The following C3 variants were observed in gnomAD, a reference collection of about 807,000 sequenced individuals.
The protein encoded by C3 is C3 and PZP-like alpha-2-macroglobulin domain-containing protein 1.
A neutral mutation model predicts 207.9 loss-of-function variants in C3; 97 were observed. The observed-to-expected ratio is 0.47, with a 90% confidence interval of 0.40 to 0.55. The LOEUF is 0.55. Among genes scored for constraint, C3 ranks in the 20% least tolerant of loss-of-function variants. C3 has a pLI of 0.00. For synonymous variants in C3, 848 were observed against 857.6 expected (o/e 0.99, Z 0.20); for missense variants, 1,684 against 2,171.7 (o/e 0.78, Z 4.46).
chr19:6,684,084 G>A (rs1390285198), intron 33 of C3: 5 of 399,070 alleles, frequency 1.3e-5, no homozygotes, highest in Non-Finnish European at 2.4e-5. Context: ...GGCTGACAGA[G>A]CAAGACCCTA....
chr19:6,684,851 G>A lies in C3; in HGVS notation c.3970-17C>T, dbSNP rs753267292. The A allele has an allele frequency of 6.2e-7, 1 of 1,614,000 alleles. No individual in the cohort carries two copies. The highest frequency in any genetic ancestry group is 8.5e-7 in the Non-Finnish European group (1 of 1,179,848). ...TTCCTTGGTCTGCAGAGTGAAAAGA[G>A]AGAAGAGAGCATGTTGGGAATTAAG... On this transcript the variant is annotated splice_polypyrimidine_tract_variant and intron_variant, in intron 30 of 40. Coordinates refer to ENST00000245907, the MANE Select transcript of C3 (RefSeq NM_000064.4).
Position 6,707,231 on chromosome 19 carries a change from C to G in C3, c.2090G>C (p.Gly697Ala). The G allele has an allele frequency of 6.2e-7, 1 of 1,613,190 alleles. No homozygotes were observed. Among genetic ancestry groups the G allele is most frequent in the Non-Finnish European group, 8.5e-7 (1 of 1,179,678 alleles). Reference protein sequence around the residue: ...PKELRKCCEDGMRENPMRFSC... With the variant: ...PKELRKCCEDAMRENPMRFSC... ...GAACCTCATGGGGTTCTCCCGCATG[C>G]CGTCCTCGCAGCACTTGCGCAGCTC... Residue 697 changes from glycine to alanine, a missense_variant, in exon 17 of 41, where the codon GGC becomes GCC. Gly to Ala is a moderately conservative substitution (Grantham distance 60, BLOSUM62 0). This residue lies in a region of C3 where 1,280 missense variants were observed against 1,739.1 expected (regional missense o/e 0.74). Coordinates refer to ENST00000245907, the MANE Select transcript of C3 (RefSeq NM_000064.4).
At chr19:6,696,967 G>A (rs999273565) in intron 21 of C3, among the ~76,000 whole-genome samples, 24 of 150,986 alleles carry the variant, frequency 1.6e-4, no homozygotes, top group Non-Finnish European at 2.7e-4. Context: ...GCGTGAACCC[G>A]GGAGGCGGAT....
chr19:6,706,778 TCAGA>T lies in C3; in HGVS notation c.2245+294_2245+297del, dbSNP rs542913077. Among the ~76,000 whole-genome samples, 6 of 99,676 alleles carry T rather than the reference TCAGA, an allele frequency of 6.0e-5. No homozygotes were observed. In the South Asian group the frequency reaches 1.8e-3, roughly 30 times the overall value. The allele number at this position is 99,676 out of a possible 152,430, so 65.4% of individuals were successfully genotyped here. A position where few individuals can be genotyped will look rare whatever the true frequency, so the allele number is the denominator to read the frequency against. On this transcript the variant is annotated intron_variant, in intron 17 of 40. Transcript: ENST00000245907. ...CCTCAGACAGGTACCTCCTCTCTCC[TCAGA>T]CAGAGGCCTCCTCCCTCCTCAGACG...
Position 6,697,500 on chromosome 19 carries a change from C to A in C3, c.2640G>T (p.Arg880Ser), listed in dbSNP as rs760682887. The A allele has an allele frequency of 6.2e-6, 10 of 1,613,894 alleles. No homozygotes were observed. The highest frequency in any genetic ancestry group is 8.5e-6 in the Non-Finnish European group (10 of 1,179,968). Residue 880 changes from arginine to serine, a missense_variant, in exon 21 of 41, where the codon AGG (arginine) becomes AGT (serine). Around this residue, in one of 3 missense-constraint regions of C3, gnomAD observed 1,280 missense variants for 1,739.1 expected, o/e 0.74. Coordinates refer to ENST00000245907, the MANE Select transcript of C3 (RefSeq NM_000064.4). Reference protein sequence around the residue: ...PAFCSLATTKRRHQQTVTIPP... With the variant: ...PAFCSLATTKSRHQQTVTIPP... ...GGATGGTTACGGTCTGCTGGTGACGCCTCTTGGTGGTGGCCAGGCTGCAGA... is the reference window on the plus strand; with the variant it reads ...GGATGGTTACGGTCTGCTGGTGACGACTCTTGGTGGTGGCCAGGCTGCAGA...
intron 14 of C3, among the ~76,000 whole-genome samples, chr19:6,709,437 ACT>A (rs1027694803): frequency 6.7e-6 from 1 of 149,668 alleles, no homozygotes; most frequent in African/African-American, 2.5e-5. Context: ...ACAGAGAGAG[ACT>A]CTGTCTCAAA....
chr19:6,703,414 C>T (rs1168534096), intron 17 of C3, among the ~76,000 whole-genome samples: 2 of 152,100 alleles, frequency 1.3e-5, no homozygotes, highest in African/African-American at 4.8e-5. Flanking sequence ...TCGAGACAGC[C>T]TGGCCAATGT....
chr19:6,687,676 T>C (rs920534188), intron 27 of C3, among the ~76,000 whole-genome samples: 12 of 151,740 alleles, frequency 7.9e-5, no homozygotes, highest in African/African-American at 2.9e-4. Context: ...CACAGTATTA[T>C]ATAGTATTTT....
chr19:6,717,806 G>A (rs1968071256), intron 4 of C3: 1 of 558,272 alleles, frequency 1.8e-6, no homozygotes, highest in South Asian at 1.9e-5. Flanking sequence ...TGTGTGTGTT[G>A]TGTGGTCGTG....
In C3 at chr19:6,685,012, A is replaced by G; in HGVS notation, c.3945T>C (p.Ser1315=). The G allele has an allele frequency of 6.2e-7, 1 of 1,613,902 alleles. No homozygotes were observed. The highest frequency in any genetic ancestry group is 8.5e-7 in the Non-Finnish European group (1 of 1,180,022). ...SKITHRIHWE[S]ASLLRSEETK... is the part of the protein sequence containing the mutation. ...CCTCTTCTGATCGCAGGAGGCTGGC[A>G]GATTCCCAGTGGATACGGTGGGTGA... Residue 1315 remains serine, a synonymous_variant, in exon 30 of 41, where the codon TCT becomes TCC. Coordinates refer to ENST00000245907, the MANE Select transcript of C3 (RefSeq NM_000064.4).
chr19:6,708,966 C>T (rs1348725999), intron 14 of C3, among the ~76,000 whole-genome samples: 1 of 152,000 alleles, frequency 6.6e-6, no homozygotes, highest in African/African-American at 2.4e-5. Flanking sequence ...GGATTCCAGA[C>T]GTGAGCCACC....
At chr19:6,688,718 T>G (rs1001718925) in intron 27 of C3, among the ~76,000 whole-genome samples, 3 of 152,220 alleles carry the variant, frequency 2.0e-5, no homozygotes, top group Admixed American at 2.0e-4. Context: ...TCTGCTACAA[T>G]GTTGCTATGT....
chr19:6,687,312 G>A (rs1235029408), intron 27 of C3, among the ~76,000 whole-genome samples: 2 of 152,046 alleles, frequency 1.3e-5, no homozygotes, highest in African/African-American at 4.8e-5. Flanking sequence ...ACTAGTATGC[G>A]CCAGATTCAG....
chr19:6,692,876 A>C (rs368742566), intron 26 of C3, 48 bp downstream of exon 26: 5 of 1,600,232 alleles, frequency 3.1e-6, no homozygotes, highest in Non-Finnish European at 4.3e-6. Flanking sequence ...ATCCTGCGAG[A>C]CTCAGGAGCC....
At chr19:6,693,796 G>A (rs978884792) in intron 24 of C3, among the ~76,000 whole-genome samples, 3 of 152,114 alleles carry the variant, frequency 2.0e-5, no homozygotes, top group Non-Finnish European at 4.4e-5. Flanking sequence ...TGGAGAGGAC[G>A]TGGGGCCTCA....
intron 26 of C3, among the ~76,000 whole-genome samples, chr19:6,691,728 T>C (rs1220948768): frequency 1.3e-5 from 2 of 152,022 alleles, no homozygotes; most frequent in Non-Finnish European, 2.9e-5. Context: ...CTCATGCCTG[T>C]AATCCCAGCA....
Position 6,682,011 on chromosome 19 carries a change from C to T in C3, c.4280G>A (p.Arg1427Lys). Residue 1427 changes from arginine (R) to lysine (K), a missense_variant, in exon 35 of 41, where the codon AGA (arginine) becomes AAA (lysine). Physicochemically the swap from Arg to Lys is conservative, Grantham distance 26. Transcript: ENST00000245907. ...DLKQLANGVD[R>K]YISKYELDKA... The stretch of plus-strand genomic sequence containing the variant: ...GTCCAGCTCATACTTGGAGATGTAT[C>T]TGTCAACACCATTGGCCAGCTGGGG... 2 of 1,614,124 alleles carry T rather than the reference C, an allele frequency of 1.2e-6. No homozygotes were observed. The highest frequency in any genetic ancestry group is 2.2e-5 in the South Asian group (2 of 91,080).
chr19:6,692,938 G>T lies in C3; in HGVS notation c.3376C>A (p.His1126Asn). The part of the protein sequence containing the change: ...GVFQEDAPVI[H>N]QEMIGGLRNN... Reference sequence around the variant, plus strand: ...CAGCCTCTTACAATCATTTCTTGGTGTATCACGGGCGCATCCTCCTGGAAG... The same window carrying T: ...CAGCCTCTTACAATCATTTCTTGGTTTATCACGGGCGCATCCTCCTGGAAG... Residue 1126 changes from histidine to asparagine, a missense_variant, in exon 26 of 41, where the codon CAC (histidine) becomes AAC (asparagine). Transcript: ENST00000245907. 6.2e-7 allele frequency: 1 copy of T among 1,614,032 alleles called. No individual in the cohort carries two copies. The highest frequency in any genetic ancestry group is 8.5e-7 in the Non-Finnish European group (1 of 1,180,016).
Position 6,712,387 on chromosome 19 carries a change from T to C in C3, c.1139A>G (p.Asp380Gly). The change falls in exon 11 of 41, where the codon GAT (aspartate) becomes GGT (glycine). Residue 380 changes from aspartate (D) to glycine (G), a missense_variant. Asp to Gly is a moderately conservative substitution (Grantham distance 94, BLOSUM62 -1). This residue lies in a region of C3 where 1,280 missense variants were observed against 1,739.1 expected (regional missense o/e 0.74). Coordinates refer to ENST00000245907, the MANE Select transcript of C3 (RefSeq NM_000064.4). ...FDLMVFVTNP[D>G]GSPAYRVPVA... Reference sequence around the variant, plus strand: ...GGGGACTCGGTAGGCTGGAGAGCCATCAGGGTTCGTCACGAACACCTGTGA... The same window carrying C: ...GGGGACTCGGTAGGCTGGAGAGCCACCAGGGTTCGTCACGAACACCTGTGA... The C allele has an allele frequency of 6.2e-7, 1 of 1,614,126 alleles. No individual in the cohort carries two copies. Among genetic ancestry groups the C allele is most frequent in the Non-Finnish European group, 8.5e-7 (1 of 1,179,994 alleles).
Sources: allele counts gnomAD v4.1 joint callset (sites outside exome capture counted in the v4.1 genomes callset), GRCh38; gene constraint gnomAD v4.1.1; regional missense constraint gnomAD v4.1.1; transcripts MANE v1.5; gene names NCBI Gene and HGNC (gene_info 2026-07-23, HGNC 2026-07-21).